Variants in MAGI3 observed in about 807,000 individuals in gnomAD.
MAGI3 encodes the protein membrane associated guanylate kinase, WW and PDZ domain containing 3.
A neutral mutation model predicts 121.8 loss-of-function variants in MAGI3; 43 were observed. The ratio of observed to expected loss-of-function variants is 0.35; its 90% CI spans 0.28 to 0.46. The LOEUF (loss-of-function observed/expected upper bound fraction) is 0.46. Ranked by LOEUF, MAGI3 falls within the 20% of genes least tolerant of loss-of-function variation. The pLI, the probability that MAGI3 is intolerant of heterozygous loss-of-function variation, is 1.00. For missense variants in MAGI3, 1,547 were observed against 1,797.3 expected, an observed-to-expected ratio of 0.86 and a Z score of 2.52; for synonymous variants, 553 against 639.3, an observed-to-expected ratio of 0.86 and a Z score of 2.04.
At chr1:113,514,378 A>G (rs1006595248) in intron 1 of MAGI3, among the ~76,000 whole-genome samples, 1 of 152,176 alleles carries the variant, frequency 6.6e-6, no homozygotes, top group Non-Finnish European at 1.5e-5. Flanking sequence ...ACCAACCCAA[A>G]TGTCCAACAA....
chr1:113,683,643 A>C lies in MAGI3; in HGVS notation c.4075A>C (p.Lys1359Gln). 1 of 1,612,574 alleles carries C rather than the reference A, an allele frequency of 6.2e-7. No individual in the cohort carries two copies. The highest frequency in any genetic ancestry group is 8.5e-7 in the Non-Finnish European group (1 of 1,179,358). Reference sequence around the variant, plus strand: ...AACAAGGTCTCCAGAGAAAAAAATCAAAAGAATGGTTGAGAAATCTCTTCC... The same window carrying C: ...AACAAGGTCTCCAGAGAAAAAAATCCAAAGAATGGTTGAGAAATCTCTTCC... ...SRTRSPEKKI[K>Q]RMVEKSLPSK... The change falls in exon 21 of 21, where the codon AAA (lysine) becomes CAA (glutamine). Residue 1359 changes from lysine (K) to glutamine (Q), a missense_variant. Coordinates refer to ENST00000307546, the MANE Select transcript of MAGI3 (RefSeq NM_001142782.2).
intron 1 of MAGI3, among the ~76,000 whole-genome samples, chr1:113,427,175 A>G (rs1198903859): frequency 2.0e-5 from 3 of 152,176 alleles, no homozygotes; most frequent in Admixed American, 6.5e-5. Flanking sequence ...TGGGGCTCCC[A>G]TGGTTCCCTC....
intron 1 of MAGI3, among the ~76,000 whole-genome samples, chr1:113,448,963 A>T (rs147356972): frequency 3.0e-4 from 46 of 152,226 alleles, no homozygotes; most frequent in Non-Finnish European, 5.4e-4. Flanking sequence ...TACTAAAAAT[A>T]CAAAATTAGC....
intron 10 of MAGI3, among the ~76,000 whole-genome samples, chr1:113,642,911 C>T (rs747438374): frequency 6.6e-5 from 10 of 152,034 alleles, no homozygotes; most frequent in Non-Finnish European, 1.2e-4. Flanking sequence ...TGTAATGCAC[C>T]AAAGATGTTT....
chr1:113,431,933 C>T (rs1653320239), intron 1 of MAGI3, among the ~76,000 whole-genome samples: 1 of 152,084 alleles, frequency 6.6e-6, no homozygotes, highest in South Asian at 2.1e-4. Context: ...TTGATCTACA[C>T]TATGTAGTAT....
At chr1:113,479,374 A>T (rs1185677550) in intron 1 of MAGI3, among the ~76,000 whole-genome samples, 1 of 152,154 alleles carries the variant, frequency 6.6e-6, no homozygotes, top group Non-Finnish European at 1.5e-5. Context: ...CTATTCGGCC[A>T]TCTTGGAATG....
In MAGI3 at chr1:113,633,238, A is replaced by T. The variant is rs1461442204; in HGVS notation, c.1361-8673A>T. On this transcript the variant is annotated intron_variant, in intron 9 of 20. Coordinates refer to ENST00000307546, the MANE Select transcript of MAGI3 (RefSeq NM_001142782.2). Reference sequence around the variant, plus strand: ...TCCCTACAAAGGACATGAACTCATCATTTTTTTTTTTTTTTTTTTTTTTTT... The same window carrying T: ...TCCCTACAAAGGACATGAACTCATCTTTTTTTTTTTTTTTTTTTTTTTTTT... 9.4e-3 allele frequency among the ~76,000 whole-genome samples: 532 copies of T among 56,654 alleles called. 4 individuals carry two copies. The highest frequency in any genetic ancestry group is 0.031 in the African/African-American group (466 of 14,966). 37.2% of individuals were successfully genotyped at this position (56,654 alleles called of 152,430 possible).
rs550835481 is a variant in MAGI3 at position 113,462,297 on chromosome 1, A to G, written c.316+70948A>G. Reference sequence around the variant, plus strand: ...TGCAGCACTATTCACAATAGCAAAGATGTGGAATCAACCTAAATGCCCTCA... The same window carrying G: ...TGCAGCACTATTCACAATAGCAAAGGTGTGGAATCAACCTAAATGCCCTCA... On this transcript the variant is annotated intron_variant, in intron 1 of 20. Transcript: ENST00000307546. Among the ~76,000 whole-genome samples the G allele has an allele frequency of 5.9e-5, 9 of 152,322 alleles. No individual in the cohort carries two copies. The East Asian group carries it at 1.5e-3, about 26-fold the overall frequency.
intron 9 of MAGI3, among the ~76,000 whole-genome samples, chr1:113,635,232 T>C (rs1651926076): frequency 6.6e-6 from 1 of 152,234 alleles, no homozygotes; most frequent in African/African-American, 2.4e-5. Context: ...TTCTCCTGCC[T>C]AACTGCCCTG....
intron 1 of MAGI3, among the ~76,000 whole-genome samples, chr1:113,508,111 C>G (rs1285207099): frequency 1.3e-5 from 2 of 152,074 alleles, no homozygotes; most frequent in African/African-American, 4.8e-5. Flanking sequence ...TGTAATTATC[C>G]ACAACAAAAA....
At chr1:113,435,611 C>T (rs946472335) in intron 1 of MAGI3, among the ~76,000 whole-genome samples, 1 of 152,092 alleles carries the variant, frequency 6.6e-6, no homozygotes, top group Admixed American at 6.5e-5. Flanking sequence ...TTCAGCCAGT[C>T]ATCCATTTAA....
At chr1:113,630,057 C>T (rs1054583287) in intron 9 of MAGI3, among the ~76,000 whole-genome samples, 16 of 152,002 alleles carry the variant, frequency 1.1e-4, no homozygotes, top group Admixed American at 8.5e-4. Flanking sequence ...CCCCAAGCCG[C>T]GAGTGGATTC....
chr1:113,593,556 TA>T (rs1388844854), intron 5 of MAGI3, among the ~76,000 whole-genome samples: 1 of 152,066 alleles, frequency 6.6e-6, no homozygotes, highest in Non-Finnish European at 1.5e-5. Flanking sequence ...ATAATAATAA[TA>T]ATAATAACAA....
chr1:113,536,856 C>G (rs1353194942), intron 1 of MAGI3, among the ~76,000 whole-genome samples: 1 of 152,072 alleles, frequency 6.6e-6, no homozygotes, highest in Admixed American at 6.6e-5. Context: ...TACAGTGAAT[C>G]TCAAATCCAT....
chr1:113,435,123 G>A (rs757465299), intron 1 of MAGI3, among the ~76,000 whole-genome samples: 2 of 152,100 alleles, frequency 1.3e-5, no homozygotes, highest in Non-Finnish European at 2.9e-5. Flanking sequence ...CCCGTTAGCA[G>A]TATGTCTTAC....
rs1397204197 is a variant in MAGI3, at chr1:113,391,368, T to C, written c.316+19T>C. 6.4e-7 allele frequency: 1 copy of C among 1,574,570 alleles called. No individual in the cohort carries two copies. Among genetic ancestry groups the C allele is most frequent in the East Asian group, 2.4e-5 (1 of 42,112 alleles). ...AAACCAGGTACGCCGGCCCTGCGTA[T>C]CTGTCTCGGGGTGTTGGGGAGAGGG... On this transcript the variant is annotated intron_variant, in intron 1 of 20. Coordinates refer to ENST00000307546, the MANE Select transcript of MAGI3 (RefSeq NM_001142782.2). This position sits in a 1 kb window ranked among gnomAD's most constrained non-coding sequence, Gnocchi z 4.4.
intron 1 of MAGI3, among the ~76,000 whole-genome samples, chr1:113,431,664 G>A (rs963224156): frequency 1.3e-5 from 2 of 152,104 alleles, no homozygotes; most frequent in African/African-American, 4.8e-5. Flanking sequence ...GAACAGACAT[G>A]TAAGATCTTT....
intron 16 of MAGI3, 53 bp downstream of exon 16, chr1:113,659,318 CTGTG>C (rs1016650185): frequency 4.5e-6 from 7 of 1,571,554 alleles, no homozygotes; most frequent in Non-Finnish European, 6.0e-6. Context: ...GGCACAAAGC[CTGTG>C]TGAGGCAGTG....
intron 16 of MAGI3, among the ~76,000 whole-genome samples, chr1:113,667,597 T>C (rs1423517070): frequency 6.6e-6 from 1 of 152,248 alleles, no homozygotes; most frequent in Non-Finnish European, 1.5e-5. Flanking sequence ...TTCATTTTCT[T>C]GTCACTCATT....
Sources: gnomAD v4.1 joint callset for allele counts (sites outside exome capture counted in the v4.1 genomes callset) on GRCh38, gnomAD v4.1.1 for gene constraint, Gnocchi (gnomAD v3.1) non-coding constraint, MANE v1.5 for transcripts, NCBI Gene and HGNC (gene_info 2026-07-23, HGNC 2026-07-21) for gene names.